The following CNTN4 variants were observed in gnomAD, a reference collection of about 807,000 sequenced individuals.
The protein encoded by CNTN4 is contactin 4, also known as contactin-4.
A neutral mutation model predicts 122.5 loss-of-function variants in CNTN4; 77 were observed. The ratio of observed to expected loss-of-function variants is 0.63; its 90% CI spans 0.52 to 0.76. CNTN4 has a LOEUF of 0.76. Ranked by LOEUF, CNTN4 falls within the 30% of genes least tolerant of loss-of-function variation. The probability of loss-of-function intolerance (pLI) is 0.00; values close to 1 mark genes in which losing one functional copy is unlikely to be tolerated. For missense variants in CNTN4, 1,256 were observed against 1,259.1 expected (o/e 1.00, Z 0.04); for synonymous variants, 512 against 447.0 (o/e 1.15, Z -1.83).
intron 4 of CNTN4, among the ~76,000 whole-genome samples, chr3:2,653,876 T>G (rs562302042): frequency 1.6e-4 from 24 of 152,302 alleles, no homozygotes; most frequent in African/African-American, 5.3e-4. Context: ...ACCCAGGATG[T>G]GTTTTTGATT....
chr3:2,465,355 G>C (rs918008235), intron 3 of CNTN4, among the ~76,000 whole-genome samples: 3 of 152,090 alleles, frequency 2.0e-5, no homozygotes, highest in African/African-American at 7.2e-5. Context: ...TGAAAAATGT[G>C]AGTGATGCCT....
At position 2,822,848 on chromosome 3, in the gene CNTN4, T is replaced by C. The variant is rs562231015; in HGVS notation, c.454+3267T>C. Among the ~76,000 whole-genome samples, 58 of 152,298 alleles carry C rather than the reference T, an allele frequency of 3.8e-4. 1 individual carries two copies. The Middle Eastern group carries it at 0.017, about 45-fold the overall frequency. ...GTCAGCAGCTCTGAAATCCAGTTCC[T>C]TGAGCTGTGCTGACATTCCTGACAA... On this transcript the variant is annotated intron_variant, in intron 7 of 24. Transcript: ENST00000418658.
intron 2 of CNTN4, among the ~76,000 whole-genome samples, chr3:2,313,469 A>T (rs2042983048): frequency 6.6e-6 from 1 of 152,150 alleles, no homozygotes; most frequent in Admixed American, 6.6e-5. Context: ...AATTATTAAC[A>T]GATAAGCAAT....
chr3:2,718,989 A>G (rs2087669797), intron 4 of CNTN4, among the ~76,000 whole-genome samples: 1 of 152,096 alleles, frequency 6.6e-6, no homozygotes, highest in Non-Finnish European at 1.5e-5. Flanking sequence ...CTACTTATCA[A>G]TGTGTTCTCT....
At chr3:2,631,786 C>CA (rs1330069856) in intron 4 of CNTN4, among the ~76,000 whole-genome samples, 1 of 145,286 alleles carries the variant, frequency 6.9e-6, no homozygotes, top group Non-Finnish European at 1.5e-5. Context: ...CCCAGAGCTT[C>CA]AGAAGGCCAA....
intron 4 of CNTN4, among the ~76,000 whole-genome samples, chr3:2,582,626 G>A (rs896384903): frequency 2.0e-5 from 3 of 152,154 alleles, no homozygotes; most frequent in Non-Finnish European, 2.9e-5. Flanking sequence ...GTGTGATATT[G>A]GATTCCACCC....
chr3:2,736,162 G>T lies in CNTN4; in HGVS notation c.56-53G>T. ...CCTTATGTTGTTGTTTCCTGTTGTT[G>T]TTCCTATTTGGAAGGGATTCTTCAT... On this transcript the variant is annotated intron_variant, in intron 4 of 24. Transcript: ENST00000418658. 5.1e-6 allele frequency: 8 copies of T among 1,571,316 alleles called. No homozygotes were observed. In the South Asian group the frequency reaches 7.8e-5, roughly 15 times the overall value.
At chr3:2,423,096 C>G (rs560260982) in intron 3 of CNTN4, among the ~76,000 whole-genome samples, 1 of 152,126 alleles carries the variant, frequency 6.6e-6, no homozygotes, top group Non-Finnish European at 1.5e-5. Flanking sequence ...AACTGATAAC[C>G]AATTAAATAA....
In CNTN4 at chr3:2,988,368, AC is replaced by A; in HGVS notation, c.1384del (p.Leu462SerfsTer17). The A allele has an allele frequency of 6.2e-7, 1 of 1,613,650 alleles. No individual in the cohort carries two copies. The highest frequency in any genetic ancestry group is 8.5e-7 in the Non-Finnish European group (1 of 1,179,718). On this transcript the variant is annotated frameshift_variant, in exon 14 of 25. Coordinates refer to ENST00000418658, the MANE Select transcript of CNTN4 (RefSeq NM_175607.3). LOFTEE classifies it high-confidence loss of function. ...AGAATTACCATTTCTGAAGATGGAA[AC>A]CTCAGAATCATCAACGTTACTAAAT... ...NERITISEDGNLRIINVTKSD... is the reference protein window; with the variant it reads ...NERITISEDGXLRIINVTKSD...
chr3:2,626,354 A>T (rs113317185), intron 4 of CNTN4, among the ~76,000 whole-genome samples: 1 of 152,022 alleles, frequency 6.6e-6, no homozygotes, highest in African/African-American at 2.4e-5. Flanking sequence ...AAAATTAGCC[A>T]GGCGTGGTGG....
intron 4 of CNTN4, among the ~76,000 whole-genome samples, chr3:2,627,424 G>A (rs1265939249): frequency 6.6e-6 from 1 of 151,154 alleles, no homozygotes; most frequent in Non-Finnish European, 1.5e-5. Context: ...TGACCTTAGG[G>A]TAGCAGTAAA....
intron 2 of CNTN4, among the ~76,000 whole-genome samples, chr3:2,264,478 A>C (rs761938520): frequency 7.2e-5 from 11 of 152,060 alleles, no homozygotes; most frequent in Middle Eastern, 3.4e-3. Context: ...GGTTTTTGCT[A>C]TTGAGTTGTT....
At chr3:2,684,307 C>T (rs985268391) in intron 4 of CNTN4, among the ~76,000 whole-genome samples, 1 of 152,040 alleles carries the variant, frequency 6.6e-6, no homozygotes, top group Admixed American at 6.6e-5. Flanking sequence ...GCAGAATAGG[C>T]CAGCCTAACT....
At chr3:2,524,364 CATTTT>C (rs2077325866) in intron 3 of CNTN4, among the ~76,000 whole-genome samples, 1 of 152,064 alleles carries the variant, frequency 6.6e-6, no homozygotes, top group Admixed American at 6.6e-5. Context: ...AGATATACTA[CATTTT>C]ATTTATCCAT....
intron 3 of CNTN4, among the ~76,000 whole-genome samples, chr3:2,514,283 G>A (rs147512648): frequency 2.8e-4 from 43 of 152,136 alleles, no homozygotes; most frequent in African/African-American, 1.0e-3. Context: ...TAACAGCTTA[G>A]GGCAGCCACT....
intron 13 of CNTN4, among the ~76,000 whole-genome samples, chr3:2,966,433 A>C (rs1692316728): frequency 6.6e-6 from 1 of 152,198 alleles, no homozygotes; most frequent in Non-Finnish European, 1.5e-5. Flanking sequence ...AAAAATTAAA[A>C]CAATTGAACT....
chr3:2,779,974 T>C (rs532017876), intron 6 of CNTN4, among the ~76,000 whole-genome samples: 1 of 152,356 alleles, frequency 6.6e-6, no homozygotes, highest in African/African-American at 2.4e-5. Context: ...ATTCATTTAT[T>C]TGAAGAACTA....
intron 2 of CNTN4, among the ~76,000 whole-genome samples, chr3:2,258,245 A>T (rs956120458): frequency 6.6e-6 from 1 of 152,182 alleles, no homozygotes; most frequent in African/African-American, 2.4e-5. Context: ...ATTACTGGCT[A>T]TATACCCAAA....
chr3:2,759,919 C>T (rs2090512216), intron 6 of CNTN4, among the ~76,000 whole-genome samples: 1 of 152,058 alleles, frequency 6.6e-6, no homozygotes, highest in Non-Finnish European at 1.5e-5. Flanking sequence ...TTTGCATTTC[C>T]CACATGGCTA....
Sources: allele counts gnomAD v4.1 joint callset (sites outside exome capture counted in the v4.1 genomes callset), GRCh38; gene constraint gnomAD v4.1.1; transcripts MANE v1.5; gene names NCBI Gene and HGNC (gene_info 2026-07-23, HGNC 2026-07-21).